RORA: variants seen among roughly 807,000 people sequenced by gnomAD.
RORA encodes the protein nuclear receptor ROR-alpha.
In RORA, 7 loss-of-function variants were observed where a neutral mutation model predicts 69.5. The ratio of observed to expected loss-of-function variants is 0.10; its 90% CI spans 0.06 to 0.19. RORA has a LOEUF of 0.19. RORA is among the 10% of genes least tolerant of loss of function. The pLI is 1.00. For synonymous variants in RORA, 261 were observed against 240.8 expected, an observed-to-expected ratio of 1.08 and a Z score of -0.78; for missense variants, 457 against 663.0, an observed-to-expected ratio of 0.69 and a Z score of 3.41.
chr15:60,853,882 T>A (rs2073351683), intron 1 of RORA, among the ~76,000 whole-genome samples: 2 of 152,210 alleles, frequency 1.3e-5, no homozygotes, highest in South Asian at 4.1e-4. Context: ...AATGTTTTCA[T>A]CTGGAAATTT....
intron 3 of RORA, among the ~76,000 whole-genome samples, chr15:60,516,224 T>A (rs1288047467): frequency 3.0e-4 from 7 of 22,972 alleles, no homozygotes; most frequent in African/African-American, 1.9e-3. Flanking sequence ...TATATATATT[T>A]ATATATATAT....
At chr15:60,820,286 A>G (rs556000924) in intron 1 of RORA, among the ~76,000 whole-genome samples, 1 of 152,280 alleles carries the variant, frequency 6.6e-6, no homozygotes, top group South Asian at 2.1e-4. Flanking sequence ...AAGGTAGGTA[A>G]ACACCACCAA....
Position 61,128,953 on chromosome 15 carries a change from G to C in RORA, c.166+100100C>G, listed in dbSNP as rs946312482. ...CTGCCTTGGGCCCACTCCCTTCTACGAGTGCCCTTAACCCTTTACAAAATA... is the reference window on the plus strand; with the variant it reads ...CTGCCTTGGGCCCACTCCCTTCTACCAGTGCCCTTAACCCTTTACAAAATA... On this transcript the variant is annotated intron_variant, in intron 1 of 10. Transcript: ENST00000335670. The surrounding 1 kb of genome is among the most constrained non-coding windows in gnomAD (Gnocchi z 4.5). Among the ~76,000 whole-genome samples, 1 of 152,196 alleles carries C rather than the reference G, an allele frequency of 6.6e-6. No individual in the cohort carries two copies. Among genetic ancestry groups the C allele is most frequent in the South Asian group, 2.1e-4 (1 of 4,832 alleles).
intron 1 of RORA, among the ~76,000 whole-genome samples, chr15:61,022,179 G>A (rs758164476): frequency 1.3e-5 from 2 of 152,152 alleles, no homozygotes; most frequent in Non-Finnish European, 2.9e-5. Flanking sequence ...CGACTATGTT[G>A]ACTGAGTTCT....
chr15:60,942,366 T>C (rs998616903), intron 1 of RORA, among the ~76,000 whole-genome samples: 1 of 152,212 alleles, frequency 6.6e-6, no homozygotes, highest in African/African-American at 2.4e-5. Flanking sequence ...CCCTAGTGCT[T>C]ATTGTCAAAT....
At chr15:60,658,087 C>CT (rs57998167) in intron 2 of RORA, among the ~76,000 whole-genome samples, 51 of 146,222 alleles carry the variant, frequency 3.5e-4, no homozygotes, top group Admixed American at 6.8e-4. Flanking sequence ...TTCTTTTTTT[C>CT]TTTTTTTTTT....
At position 60,531,387 on chromosome 15, in the gene RORA, C is replaced by T; in HGVS notation, c.282+379G>A. On this transcript the variant is annotated intron_variant, in intron 3 of 10. Coordinates refer to ENST00000335670, the MANE Select transcript of RORA (RefSeq NM_134261.3). This position sits in a 1 kb window ranked among gnomAD's most constrained non-coding sequence, Gnocchi z 4.8. ...TGTGTGCTAACAATAAGACTCAACT[C>T]AGTGACATTCCAATTAAACTTACTG... The T allele has an allele frequency of 5.2e-6, 1 of 192,538 alleles. No homozygotes were observed. The highest frequency in any genetic ancestry group is 1.1e-4 in the South Asian group (1 of 9,110). 11.9% of individuals were successfully genotyped at this position (192,538 alleles called of 1,614,324 possible). A position where few individuals can be genotyped will look rare whatever the true frequency, so the allele number is the denominator to read the frequency against.
chr15:61,220,944 C>G (rs575797313), intron 1 of RORA, among the ~76,000 whole-genome samples: 29 of 152,316 alleles, frequency 1.9e-4, no homozygotes, highest in African/African-American at 6.7e-4. Context: ...TCCCCAGCCC[C>G]AAACAGGCAT....
intron 2 of RORA, among the ~76,000 whole-genome samples, chr15:60,671,444 T>C (rs1489453769): frequency 6.6e-6 from 1 of 152,002 alleles, no homozygotes; most frequent in Non-Finnish European, 1.5e-5. Flanking sequence ...TTTGATGAAC[T>C]AAGTTAAATT....
intron 2 of RORA, among the ~76,000 whole-genome samples, chr15:60,606,926 C>G (rs932839769): frequency 6.6e-6 from 1 of 151,920 alleles, no homozygotes; most frequent in Non-Finnish European, 1.5e-5. Context: ...CTCCAAGAAC[C>G]AAAAGTTTGT....
chr15:60,704,801 C>T (rs1013785726), intron 1 of RORA, among the ~76,000 whole-genome samples: 8 of 152,124 alleles, frequency 5.3e-5, no homozygotes, highest in African/African-American at 1.9e-4. Context: ...GGTTACCTTT[C>T]GGTATTGTAC....
chr15:60,961,268 C>G (rs1156903186), intron 1 of RORA, among the ~76,000 whole-genome samples: 1 of 152,118 alleles, frequency 6.6e-6, no homozygotes, highest in South Asian at 2.1e-4. Context: ...AAGCATAACT[C>G]CTATATCTGC....
At chr15:61,033,222 G>C (rs998308334) in intron 1 of RORA, among the ~76,000 whole-genome samples, 1 of 152,150 alleles carries the variant, frequency 6.6e-6, no homozygotes, top group Non-Finnish European at 1.5e-5. Context: ...GAGGCAAAGC[G>C]GGTCTTCCAT....
chr15:60,516,130 A>T (rs1180291758), intron 3 of RORA, among the ~76,000 whole-genome samples: 5 of 53,594 alleles, frequency 9.3e-5, no homozygotes, highest in Non-Finnish European at 1.0e-4. Context: ...TATTATATTA[A>T]ATATATTTAT....
chr15:61,047,659 C>T (rs756539633), intron 1 of RORA, among the ~76,000 whole-genome samples: 29 of 152,240 alleles, frequency 1.9e-4, no homozygotes, highest in Admixed American at 6.5e-4. Context: ...ACTCATTTTG[C>T]GGTATTGTTC....
At chr15:60,700,844 C>T (rs1053152880) in intron 1 of RORA, among the ~76,000 whole-genome samples, 4 of 152,144 alleles carry the variant, frequency 2.6e-5, no homozygotes, top group Non-Finnish European at 5.9e-5. Context: ...GCCATCACAC[C>T]CAGAGTATAT....
At chr15:60,664,275 T>C (rs893427368) in intron 2 of RORA, among the ~76,000 whole-genome samples, 11 of 152,006 alleles carry the variant, frequency 7.2e-5, no homozygotes, top group African/African-American at 2.7e-4. Context: ...GAGAGGAGGA[T>C]GGTGGTGAGG....
chr15:60,708,599 T>A (rs556651421), intron 1 of RORA, among the ~76,000 whole-genome samples: 4 of 152,294 alleles, frequency 2.6e-5, no homozygotes, highest in South Asian at 2.1e-4. Flanking sequence ...GAATTTTCCA[T>A]AACACTTGCA....
intron 3 of RORA, among the ~76,000 whole-genome samples, chr15:60,527,642 G>A (rs1339033930): frequency 1.3e-5 from 2 of 152,184 alleles, no homozygotes; most frequent in Non-Finnish European, 2.9e-5. Flanking sequence ...ATGTTCTTCC[G>A]AAATGCAATA....
Sources: allele counts gnomAD v4.1 joint callset (sites outside exome capture counted in the v4.1 genomes callset), GRCh38; gene constraint gnomAD v4.1.1; non-coding constraint Gnocchi (gnomAD v3.1); transcripts MANE v1.5; gene names NCBI Gene and HGNC (gene_info 2026-07-23, HGNC 2026-07-21).